Variants in CCSER1 observed in about 807,000 individuals in gnomAD.
CCSER1 encodes serine-rich coiled-coil domain-containing protein 1.
Under a neutral mutation model 82.0 loss-of-function variants are expected in CCSER1, and 41 were observed. That is an observed-to-expected ratio of 0.50 (90% CI 0.39 to 0.65). The LOEUF (loss-of-function observed/expected upper bound fraction) is 0.65, where lower values mean the gene tolerates loss of function less well. Ranked by LOEUF, CCSER1 falls within the 30% of genes least tolerant of loss-of-function variation. CCSER1 has a pLI of 0.00. For synonymous variants in CCSER1, 414 were observed against 383.9 expected, an observed-to-expected ratio of 1.08 and a Z score of -0.92; for missense variants, 1,119 against 1,064.2, an observed-to-expected ratio of 1.05 and a Z score of -0.72.
intron 10 of CCSER1, among the ~76,000 whole-genome samples, chr4:91,158,777 G>A (rs1336642412): frequency 1.3e-5 from 2 of 151,870 alleles, no homozygotes; most frequent in Non-Finnish European, 2.9e-5. Context: ...GTGGAACAGT[G>A]ACTTCCTTAT....
intron 5 of CCSER1, among the ~76,000 whole-genome samples, chr4:90,542,801 A>G (rs1165934398): frequency 1.3e-5 from 2 of 152,106 alleles, no homozygotes; most frequent in Admixed American, 6.6e-5. Flanking sequence ...AAGTAAGCCT[A>G]TGTTATATTT....
At position 90,309,375 on chromosome 4, in the gene CCSER1, A is replaced by C; in HGVS notation, c.1091A>C (p.Glu364Ala). 1 of 1,613,872 alleles carries C rather than the reference A, an allele frequency of 6.2e-7. No individual in the cohort carries two copies. Among genetic ancestry groups the C allele is most frequent in the Non-Finnish European group, 8.5e-7 (1 of 1,179,814 alleles). ...ELPATSVSHSESNLPADSERE... is the reference protein window; with the variant it reads ...ELPATSVSHSASNLPADSERE... ...CCTGCTACAAGTGTGAGCCACTCAG[A>C]GAGTAACCTACCAGCAGATAGTGAA... The change falls in exon 2 of 11, where the codon GAG (glutamate) becomes GCG (alanine). Residue 364 changes from glutamate to alanine, a missense_variant. By Grantham distance (107) the Glu-to-Ala change is moderately radical. Transcript: ENST00000509176.
rs144351856 is a variant in CCSER1, at chr4:91,315,538, T to G, written c.2217+229544T>G. 4.4e-3 allele frequency among the ~76,000 whole-genome samples: 673 copies of G among 152,126 alleles called. 4 individuals are homozygous for G. The highest frequency in any genetic ancestry group is 0.016 in the African/African-American group (648 of 41,552). On this transcript the variant is annotated intron_variant, in intron 10 of 10. Transcript: ENST00000509176. ...ACTAGCATTTACTGAGTATTTTCTA[T>G]AGGCAAGGCACTGTTCTATGTTCTT...
chr4:90,828,383 C>T (rs1332067373), intron 8 of CCSER1, among the ~76,000 whole-genome samples: 1 of 152,048 alleles, frequency 6.6e-6, no homozygotes. Flanking sequence ...AGAAATCTCC[C>T]ATAGTCAGCC....
chr4:90,881,604 T>G (rs1035577821), intron 8 of CCSER1, among the ~76,000 whole-genome samples: 5 of 151,606 alleles, frequency 3.3e-5, no homozygotes, highest in African/African-American at 1.2e-4. Context: ...AAACCCCATC[T>G]CTACCAAAAA....
At chr4:91,160,194 C>T (rs1317334142) in intron 10 of CCSER1, among the ~76,000 whole-genome samples, 1 of 152,102 alleles carries the variant, frequency 6.6e-6, no homozygotes, top group African/African-American at 2.4e-5. Flanking sequence ...TGGTTTCCAG[C>T]TTCATCCATG....
At chr4:90,730,994 G>C (rs1744608850) in intron 7 of CCSER1, among the ~76,000 whole-genome samples, 1 of 152,092 alleles carries the variant, frequency 6.6e-6, no homozygotes, top group Admixed American at 6.5e-5. Context: ...GACATAATCA[G>C]ACTATTGTTA....
chr4:90,566,423 T>G (rs1428220625), intron 5 of CCSER1, among the ~76,000 whole-genome samples: 1 of 138,894 alleles, frequency 7.2e-6, no homozygotes, highest in Non-Finnish European at 1.6e-5. Context: ...CTTGATCTCC[T>G]CTGTAAATTA....
At position 91,596,782 on chromosome 4, in the gene CCSER1, G is replaced by A. The variant is rs1008147645; in HGVS notation, c.2218-1790G>A. ...CCAAATCTAAGGAAAAGTTAAAACA[G>A]CATATTAGAATTCACAGAGGGGGGT... On this transcript the variant is annotated intron_variant, in intron 10 of 10. Transcript: ENST00000509176. Among the ~76,000 whole-genome samples the A allele has an allele frequency of 1.3e-5, 2 of 151,984 alleles. 1 individual carries two copies. The highest frequency in any genetic ancestry group is 6.3e-3 in the Middle Eastern group (2 of 316).
chr4:91,045,678 A>G (rs952120679), intron 9 of CCSER1, among the ~76,000 whole-genome samples: 1 of 152,172 alleles, frequency 6.6e-6, no homozygotes, highest in African/African-American at 2.4e-5. Flanking sequence ...GATAGATATA[A>G]TTCTTTTTAA....
chr4:90,713,526 G>A (rs921049106), intron 6 of CCSER1, among the ~76,000 whole-genome samples: 2 of 151,692 alleles, frequency 1.3e-5, no homozygotes, highest in African/African-American at 4.8e-5. Context: ...TTAGTCTGAT[G>A]GGCTTCCCTT....
intron 10 of CCSER1, among the ~76,000 whole-genome samples, chr4:91,100,528 A>G (rs561598450): frequency 2.0e-5 from 3 of 152,312 alleles, no homozygotes; most frequent in Admixed American, 1.3e-4. Flanking sequence ...CTGATTTTTA[A>G]AGGATTTTAC....
chr4:91,153,458 C>T (rs888105512), intron 10 of CCSER1, among the ~76,000 whole-genome samples: 2 of 151,910 alleles, frequency 1.3e-5, no homozygotes, highest in African/African-American at 4.8e-5. Context: ...GTTCAGACAT[C>T]TTCCTTTAGC....
At chr4:90,864,196 C>A (rs909078345) in intron 8 of CCSER1, among the ~76,000 whole-genome samples, 1 of 151,756 alleles carries the variant, frequency 6.6e-6, no homozygotes, top group Non-Finnish European at 1.5e-5. Context: ...TTTTTCTAAC[C>A]TGAGTGCTCT....
intron 3 of CCSER1, among the ~76,000 whole-genome samples, chr4:90,340,692 C>G (rs1741224200): frequency 6.6e-6 from 1 of 152,078 alleles, no homozygotes; most frequent in Non-Finnish European, 1.5e-5. Flanking sequence ...CAATTTCTAG[C>G]AATTTAATAG....
At chr4:91,208,526 C>T (rs1239848716) in intron 10 of CCSER1, among the ~76,000 whole-genome samples, 2 of 151,820 alleles carry the variant, frequency 1.3e-5, no homozygotes, top group East Asian at 1.9e-4. Flanking sequence ...TGTCAAACAT[C>T]AGATGGTTGT....
At chr4:91,150,515 T>C (rs920423754) in intron 10 of CCSER1, among the ~76,000 whole-genome samples, 1 of 152,196 alleles carries the variant, frequency 6.6e-6, no homozygotes, top group African/African-American at 2.4e-5. Flanking sequence ...TCCAACACTA[T>C]GTTGAATAGG....
At chr4:91,227,428 A>G (rs549214888) in intron 10 of CCSER1, among the ~76,000 whole-genome samples, 1 of 151,766 alleles carries the variant, frequency 6.6e-6, no homozygotes, top group Non-Finnish European at 1.5e-5. Flanking sequence ...TTTTAATAAC[A>G]TTATAATGTG....
At chr4:91,560,438 T>A (rs1578791696) in intron 10 of CCSER1, among the ~76,000 whole-genome samples, 1 of 151,548 alleles carries the variant, frequency 6.6e-6, no homozygotes, top group Non-Finnish European at 1.5e-5. Flanking sequence ...CATTGATATA[T>A]GAACATACAG....
Sources: gnomAD v4.1 joint callset for allele counts (sites outside exome capture counted in the v4.1 genomes callset) on GRCh38, gnomAD v4.1.1 for gene constraint, MANE v1.5 for transcripts, NCBI Gene and HGNC (gene_info 2026-07-23, HGNC 2026-07-21) for gene names.